The following FOXK1 variants were observed in gnomAD, a reference collection of about 807,000 sequenced individuals.
The protein encoded by FOXK1 is forkhead box K1, also known as forkhead box protein K1.
A neutral mutation model predicts 51.9 loss-of-function variants in FOXK1; 19 were observed. The ratio of observed to expected loss-of-function variants is 0.37; its 90% CI spans 0.26 to 0.54. The LOEUF (loss-of-function observed/expected upper bound fraction) is 0.54, where lower values mean the gene tolerates loss of function less well. FOXK1 is among the 20% of genes least tolerant of loss of function. The pLI is 0.87. For missense variants in FOXK1, 870 were observed against 1,032.7 expected (o/e 0.84, Z 2.16); for synonymous variants, 537 against 482.6 (o/e 1.11, Z -1.48).
intron 1 of FOXK1, among the ~76,000 whole-genome samples, chr7:4,740,082 G>GTC (rs1780612715): frequency 6.6e-6 from 1 of 151,804 alleles, no homozygotes; most frequent in African/African-American, 2.4e-5. Context: ...ATCACCTGAG[G>GTC]TCAGGAGTTC....
chr7:4,714,789 T>C (rs1183782393), intron 1 of FOXK1, among the ~76,000 whole-genome samples: 5 of 152,154 alleles, frequency 3.3e-5, no homozygotes, highest in African/African-American at 7.2e-5. Flanking sequence ...CTCTCTCATC[T>C]CAGTTTCCCT....
rs1195046931 is a variant in FOXK1, at chr7:4,755,703, C to T, written c.1050+320C>T. 2.0e-5 allele frequency among the ~76,000 whole-genome samples: 3 copies of T among 152,090 alleles called. No homozygotes were observed. The highest frequency in any genetic ancestry group is 4.4e-5 in the Non-Finnish European group (3 of 68,016). ...CTATGATCACACCACTGCACTCCAG[C>T]CTGGGAGACAGAGAAAGACCCTGTG... On this transcript the variant is annotated intron_variant, in intron 4 of 8. Coordinates refer to ENST00000328914, the MANE Select transcript of FOXK1 (RefSeq NM_001037165.2). The surrounding 1 kb of genome is among the most constrained non-coding windows in gnomAD (Gnocchi z 6.6).
Position 4,731,876 on chromosome 7 carries a change from T to A in FOXK1, c.561-8962T>A, listed in dbSNP as rs1320345328. Among the ~76,000 whole-genome samples the A allele has an allele frequency of 6.6e-6, 1 of 152,220 alleles. No homozygotes were observed. ...AATAACAAGAATAACTGAAGCACAT[T>A]TTCAGTAACCGCTTGCTACGTGCCA... On this transcript the variant is annotated intron_variant, in intron 1 of 8. Transcript: ENST00000328914. This position sits in a 1 kb window ranked among gnomAD's most constrained non-coding sequence, Gnocchi z 5.3.
intron 1 of FOXK1, among the ~76,000 whole-genome samples, chr7:4,684,730 C>T (rs1779797416): frequency 6.6e-6 from 1 of 152,162 alleles, no homozygotes; most frequent in Non-Finnish European, 1.5e-5. Context: ...TAAGTACTTC[C>T]ATTAAAGTCT....
At position 4,707,244 on chromosome 7, in the gene FOXK1, G is replaced by T. The variant is rs1048701420; in HGVS notation, c.560+24376G>T. On this transcript the variant is annotated intron_variant, in intron 1 of 8. Coordinates refer to ENST00000328914, the MANE Select transcript of FOXK1 (RefSeq NM_001037165.2). The surrounding 1 kb of genome is among the most constrained non-coding windows in gnomAD (Gnocchi z 4.1). ...GGTGCGGGGAGCTCAGGGCGTTCGG[G>T]GTGGTGTTCTGGTGGAGGGGACGCT... is the stretch of plus-strand genomic sequence containing the variant. Among the ~76,000 whole-genome samples, 1 of 152,150 alleles carries T rather than the reference G, an allele frequency of 6.6e-6. No homozygotes were observed. Among genetic ancestry groups the T allele is most frequent in the Non-Finnish European group, 1.5e-5 (1 of 68,034 alleles).
At chr7:4,712,028 T>C (rs758946375) in intron 1 of FOXK1, among the ~76,000 whole-genome samples, 4 of 151,178 alleles carry the variant, frequency 2.6e-5, no homozygotes, top group Non-Finnish European at 5.9e-5. Context: ...TTCAGATTCT[T>C]TGATATTCAG....
chr7:4,713,731 C>A (rs1780202905), intron 1 of FOXK1, among the ~76,000 whole-genome samples: 1 of 151,664 alleles, frequency 6.6e-6, no homozygotes, highest in Non-Finnish European at 1.5e-5. Flanking sequence ...ACCTCGTGAT[C>A]TGCCCGCCTT....
At chr7:4,727,327 T>G (rs1013675823) in intron 1 of FOXK1, among the ~76,000 whole-genome samples, 1 of 152,164 alleles carries the variant, frequency 6.6e-6, no homozygotes, top group Non-Finnish European at 1.5e-5. Context: ...ATTTGTTTAT[T>G]TTTTTGGCAA....
At chr7:4,702,861 C>T (rs73303354) in intron 1 of FOXK1, among the ~76,000 whole-genome samples, 12,367 of 152,240 alleles carry the variant, frequency 0.081, 1,555 homozygotes, top group African/African-American at 0.27. Context: ...CTCTTCTCAG[C>T]TCTGACCAGA....
intron 1 of FOXK1, among the ~76,000 whole-genome samples, chr7:4,693,891 T>G (rs552198411): frequency 6.6e-6 from 1 of 150,696 alleles, no homozygotes. Context: ...ATAACAAAAG[T>G]TTTTTTTCTG....
At chr7:4,695,963 A>C (rs932093533) in intron 1 of FOXK1, among the ~76,000 whole-genome samples, 12 of 152,062 alleles carry the variant, frequency 7.9e-5, no homozygotes, top group Non-Finnish European at 1.8e-4. Context: ...AATTCCCACA[A>C]AAATTAGCTG....
intron 1 of FOXK1, 53 bp from the exon 2 acceptor site, chr7:4,740,785 C>A: frequency 2.6e-6 from 4 of 1,536,924 alleles, no homozygotes; most frequent in Non-Finnish European, 3.5e-6. Context: ...TGGGTGTTGG[C>A]GTCTTCTTGA....
At chr7:4,740,675 A>T (rs1453674636) in intron 1 of FOXK1, among the ~76,000 whole-genome samples, 163 bp from the exon 2 acceptor site, 1 of 152,186 alleles carries the variant, frequency 6.6e-6, no homozygotes, top group East Asian at 1.9e-4. Context: ...CCAAAGTCTC[A>T]GTTCCTAAGT....
rs1360092690 is a variant in FOXK1 at position 4,687,481 on chromosome 7, C to T, written c.560+4613C>T. Among the ~76,000 whole-genome samples, 10 of 151,868 alleles carry T rather than the reference C, an allele frequency of 6.6e-5. No individual in the cohort carries two copies. The East Asian group carries it at 1.4e-3, about 21-fold the overall frequency. ...CTAATTTTTGTATTTCTAGGAGAGA[C>T]GGGGTTTCACCACGTTGGCCAGGCT... On this transcript the variant is annotated intron_variant, in intron 1 of 8. Transcript: ENST00000328914.
rs1050961335 is a variant in FOXK1 at position 4,755,285 on chromosome 7, A to G, written c.952A>G (p.Ile318Val). ...CTACGCGCAGCTGATCGTGCAGGCC[A>G]TCTCCTCCGCCCAGGACCGGCAGCT... ...FSYAQLIVQAISSAQDRQLTL... is the reference protein window; with the variant it reads ...FSYAQLIVQAVSSAQDRQLTL... Residue 318 changes from isoleucine to valine, a missense_variant, in exon 4 of 9, where the codon ATC becomes GTC. Ile to Val is a conservative substitution (Grantham distance 29). This residue lies in a region of FOXK1 where 399 missense variants were observed against 475.6 expected (regional missense o/e 0.84). Coordinates refer to ENST00000328914, the MANE Select transcript of FOXK1 (RefSeq NM_001037165.2). The surrounding 1 kb of genome is among the most constrained non-coding windows in gnomAD (Gnocchi z 6.6). 3 of 1,613,996 alleles carry G rather than the reference A, an allele frequency of 1.9e-6. No individual in the cohort carries two copies. Among genetic ancestry groups the G allele is most frequent in the South Asian group, 1.1e-5 (1 of 91,080 alleles).
chr7:4,754,912 C>G, intron 3 of FOXK1: 1 of 574,420 alleles, frequency 1.7e-6, no homozygotes, highest in South Asian at 2.1e-5. Context: ...CTTCATACAG[C>G]CCTTGAGCAG....
In FOXK1 at chr7:4,702,591, C is replaced by T. The variant is rs370616461; in HGVS notation, c.560+19723C>T. 1.1e-4 allele frequency among the ~76,000 whole-genome samples: 16 copies of T among 152,334 alleles called. No homozygotes were observed. The East Asian group carries it at 2.3e-3, about 22-fold the overall frequency. Reference sequence around the variant, plus strand: ...AACTCCTGACCTCAGGTGATCCCACCGGCCTTGGCCTCCCAAAGTGCTGGG... The same window carrying T: ...AACTCCTGACCTCAGGTGATCCCACTGGCCTTGGCCTCCCAAAGTGCTGGG... On this transcript the variant is annotated intron_variant, in intron 1 of 8. Coordinates refer to ENST00000328914, the MANE Select transcript of FOXK1 (RefSeq NM_001037165.2).
At chr7:4,691,801 C>A (rs1423588092) in intron 1 of FOXK1, among the ~76,000 whole-genome samples, 14 of 152,230 alleles carry the variant, frequency 9.2e-5, no homozygotes. Flanking sequence ...TCCCGTGTAC[C>A]CAGGGCAAGA....
chr7:4,687,435 GGC>G (rs1163497238), intron 1 of FOXK1, among the ~76,000 whole-genome samples: 1 of 151,880 alleles, frequency 6.6e-6, no homozygotes, highest in Non-Finnish European at 1.5e-5. Flanking sequence ...TGGGATTACA[GGC>G]GCACGTCACC....
Sources: gnomAD v4.1 joint callset for allele counts (sites outside exome capture counted in the v4.1 genomes callset) on GRCh38, gnomAD v4.1.1 for gene constraint, gnomAD v4.1.1 regional missense constraint, Gnocchi (gnomAD v3.1) non-coding constraint, MANE v1.5 for transcripts, NCBI Gene and HGNC (gene_info 2026-07-23, HGNC 2026-07-21) for gene names.